SCN11A: variants seen among roughly 807,000 people sequenced by gnomAD.
SCN11A encodes the protein sodium channel protein type 11 subunit alpha.
A neutral mutation model predicts 162.2 loss-of-function variants in SCN11A; 122 were observed. That is an observed-to-expected ratio of 0.75 (90% CI 0.65 to 0.87). SCN11A has a LOEUF of 0.87. Among genes scored for constraint, SCN11A ranks in the 40% least tolerant of loss-of-function variants. SCN11A has a pLI of 0.00. For missense variants in SCN11A, 2,015 were observed against 2,181.6 expected (o/e 0.92, Z 1.52); for synonymous variants, 758 against 751.5 (o/e 1.01, Z -0.14).
chr3:38,988,585 CTT>C (rs142145393), intron 2 of SCN11A, among the ~76,000 whole-genome samples: 6,327 of 152,300 alleles, frequency 0.042, 159 homozygotes, highest in Middle Eastern at 0.061. Flanking sequence ...ATTTATTCGT[CTT>C]GTCACCAGGA....
Position 38,894,615 on chromosome 3 carries a change from G to C in SCN11A, c.2753C>G (p.Pro918Arg). The C allele has an allele frequency of 3.1e-6, 5 of 1,614,124 alleles. No homozygotes were observed. The highest frequency in any genetic ancestry group is 4.2e-6 in the Non-Finnish European group (5 of 1,179,994). The change falls in exon 19 of 30, where the codon CCA becomes CGA. Residue 918 changes from proline (P) to arginine (R), a missense_variant. By Grantham distance (103) the Pro-to-Arg change is moderately radical. Transcript: ENST00000302328. The stretch of plus-strand genomic sequence containing the variant: ...AACGTCATCTTCCTCCTCCGCAAGT[G>C]GTGCCAACCAAGTCCAATCATGCCT... ...GVRHDWTWLA[P>R]LAEEEDDVEF...
intron 7 of SCN11A, among the ~76,000 whole-genome samples, chr3:38,934,011 C>G (rs1256017723): frequency 6.6e-6 from 1 of 152,234 alleles, no homozygotes. Context: ...GCCCATCAGA[C>G]TAACAGCAGA....
At chr3:39,026,353 A>T (rs2031587331) in intron 2 of SCN11A, among the ~76,000 whole-genome samples, 1 of 152,256 alleles carries the variant, frequency 6.6e-6, no homozygotes, top group African/African-American at 2.4e-5. Flanking sequence ...GATATAATTT[A>T]GAAATGTCTT....
Position 38,883,358 on chromosome 3 carries a change from C to T in SCN11A, c.3094G>A (p.Val1032Met), listed in dbSNP as rs369167950. Residue 1032 changes from valine (V) to methionine (M), a missense_variant, in exon 22 of 30, where the codon GTG becomes ATG. Val to Met is a conservative substitution (Grantham distance 21, BLOSUM62 1). Coordinates refer to ENST00000302328, the MANE Select transcript of SCN11A (RefSeq NM_001349253.2). ...ACCCAGGGAGGCTTTCTCTTGTCCACGCTACAGCATGGAAAGCAGCAACCA... is the reference window on the plus strand; with the variant it reads ...ACCCAGGGAGGCTTTCTCTTGTCCATGCTACAGCATGGAAAGCAGCAACCA... ...GFGCCFPCCS[V>M]DKRKPPWVIW... 2.0e-5 allele frequency: 32 copies of T among 1,613,752 alleles called. No homozygotes were observed. The East Asian group carries it at 4.9e-4, about 25-fold the overall frequency.
chr3:38,988,668 G>A (rs2030346628), intron 2 of SCN11A, among the ~76,000 whole-genome samples: 1 of 152,192 alleles, frequency 6.6e-6, no homozygotes, highest in African/African-American at 2.4e-5. Flanking sequence ...TCCGTTCAGA[G>A]TGTTATAAGA....
intron 2 of SCN11A, among the ~76,000 whole-genome samples, chr3:39,022,455 T>C (rs2125607478): frequency 6.6e-6 from 1 of 152,312 alleles, no homozygotes; most frequent in East Asian, 1.9e-4. Context: ...ACATAAAGCT[T>C]TCCTTCCCAC....
Position 38,862,783 on chromosome 3 carries a change from G to A in SCN11A, c.4056+412C>T, listed in dbSNP as rs1407576137. Reference sequence around the variant, plus strand: ...GTGAGGAATACAAGACTACACACTGGGTACAGTGTACACTGCTTGGGTGAC... The same window carrying A: ...GTGAGGAATACAAGACTACACACTGAGTACAGTGTACACTGCTTGGGTGAC... On this transcript the variant is annotated intron_variant, in intron 28 of 29. Transcript: ENST00000302328. Among the ~76,000 whole-genome samples the A allele has an allele frequency of 3.3e-5, 5 of 151,992 alleles. No homozygotes were observed. The East Asian group carries it at 9.7e-4, about 29-fold the overall frequency.
intron 2 of SCN11A, among the ~76,000 whole-genome samples, chr3:39,014,914 C>T (rs568247148): frequency 1.3e-5 from 2 of 152,268 alleles, no homozygotes; most frequent in East Asian, 1.9e-4. Flanking sequence ...TCATCATCAG[C>T]CTTTGTTGTT....
chr3:38,904,484 C>T (rs370283947), intron 15 of SCN11A, among the ~76,000 whole-genome samples: 1 of 152,078 alleles, frequency 6.6e-6, no homozygotes, highest in Non-Finnish European at 1.5e-5. Context: ...GTAACAGAGG[C>T]AAAAGGGGCA....
intron 11 of SCN11A, among the ~76,000 whole-genome samples, chr3:38,913,706 C>T (rs2065917801): frequency 6.6e-6 from 1 of 152,188 alleles, no homozygotes; most frequent in Admixed American, 6.5e-5. Flanking sequence ...TTTCAATCTT[C>T]TGCATATAGC....
rs189347290 is a variant in SCN11A, at chr3:38,905,229, T to C, written c.1566A>G (p.Ala522=). 3.3e-5 allele frequency: 54 copies of C among 1,614,100 alleles called. No individual in the cohort carries two copies. Among genetic ancestry groups the C allele is most frequent in the Middle Eastern group, 1.7e-4 (1 of 6,056 alleles). Residue 522 remains alanine (A), a synonymous_variant, in exon 15 of 30, where the codon GCA becomes GCG. Transcript: ENST00000302328. Reference sequence around the variant, plus strand: ...TGGTGAGGATGCTGACAGCACTCAGTGCTCTCTGCCTTTGGAGAGGATCTC... The same window carrying C: ...TGGTGAGGATGCTGACAGCACTCAGCGCTCTCTGCCTTTGGAGAGGATCTC... The part of the protein sequence containing the change: ...EHGDPLQRQR[A]LSAVSILTIT...
At chr3:38,962,028 T>C (rs149466891) in intron 2 of SCN11A, among the ~76,000 whole-genome samples, 3,773 of 152,344 alleles carry the variant, frequency 0.025, 83 homozygotes, top group South Asian at 0.064. Context: ...TAATCCATCT[T>C]GAGTTGATTT....
chr3:39,043,834 T>G (rs1473596466), intron 1 of SCN11A, among the ~76,000 whole-genome samples: 2 of 152,188 alleles, frequency 1.3e-5, no homozygotes, highest in Admixed American at 1.3e-4. Context: ...AAAGTATAAT[T>G]ACATTGCTTG....
intron 28 of SCN11A, among the ~76,000 whole-genome samples, chr3:38,853,079 T>C (rs555275158): frequency 1.6e-4 from 24 of 152,358 alleles, no homozygotes; most frequent in African/African-American, 4.1e-4. Flanking sequence ...TATGTTAATG[T>C]TGTCTGCACC....
chr3:38,924,161 C>T (rs907396932), intron 9 of SCN11A, among the ~76,000 whole-genome samples: 1 of 152,042 alleles, frequency 6.6e-6, no homozygotes, highest in African/African-American at 2.4e-5. Flanking sequence ...ATTCTCCACA[C>T]AACAGCTCCC....
chr3:39,031,807 C>T (rs893225208), intron 2 of SCN11A, among the ~76,000 whole-genome samples: 1 of 152,062 alleles, frequency 6.6e-6, no homozygotes, highest in Non-Finnish European at 1.5e-5. Context: ...TTAGTTTCTC[C>T]GTGAATCTGA....
chr3:38,938,463 T>C (rs1037943461), intron 7 of SCN11A, among the ~76,000 whole-genome samples: 8 of 139,592 alleles, frequency 5.7e-5, no homozygotes, highest in African/African-American at 1.5e-4. Flanking sequence ...TTATGTCCTA[T>C]TGAATGTATA....
At chr3:39,039,365 A>C (rs2031985141) in intron 1 of SCN11A, among the ~76,000 whole-genome samples, 2 of 152,206 alleles carry the variant, frequency 1.3e-5, no homozygotes, top group South Asian at 2.1e-4. Flanking sequence ...AAATACATCC[A>C]CAAACACACA....
rs570504147 is a variant in SCN11A, at chr3:38,973,113, T to C, written c.-279-12690A>G. Among the ~76,000 whole-genome samples, 398 of 152,252 alleles carry C rather than the reference T, an allele frequency of 2.6e-3. 2 individuals are homozygous for C. The highest frequency in any genetic ancestry group is 3.8e-3 in the Non-Finnish European group (257 of 68,010). ...AAAGGCATTTTTATAATTATAGAAG[T>C]AGAAAAAAGAAAAGTTATAAGATGT... is the stretch of plus-strand genomic sequence containing the variant. On this transcript the variant is annotated intron_variant, in intron 2 of 29. Coordinates refer to ENST00000302328, the MANE Select transcript of SCN11A (RefSeq NM_001349253.2).
Sources: gnomAD v4.1 joint callset for allele counts (sites outside exome capture counted in the v4.1 genomes callset) on GRCh38, gnomAD v4.1.1 for gene constraint, MANE v1.5 for transcripts, NCBI Gene and HGNC (gene_info 2026-07-23, HGNC 2026-07-21) for gene names.